The following CALD1 variants were observed in gnomAD, a reference collection of about 807,000 sequenced individuals.
CALD1 encodes the protein caldesmon 1.
CALD1 carries 33 observed loss-of-function variants against 99.9 expected under a neutral mutation model. The observed-to-expected ratio is 0.33, with a 90% CI of 0.25 to 0.44. The LOEUF (loss-of-function observed/expected upper bound fraction) is 0.44, where lower values mean the gene tolerates loss of function less well. Ranked by LOEUF, CALD1 falls within the 20% of genes least tolerant of loss-of-function variation. The probability of loss-of-function intolerance (pLI) is 1.00; values close to 1 mark genes in which losing one functional copy is unlikely to be tolerated. For synonymous variants in CALD1, 310 were observed against 325.0 expected, an observed-to-expected ratio of 0.95 and a Z score of 0.50; for missense variants, 861 against 962.1, an observed-to-expected ratio of 0.89 and a Z score of 1.39.
chr7:134,764,490 G>C (rs1297945494), intron 1 of CALD1, among the ~76,000 whole-genome samples: 1 of 152,150 alleles, frequency 6.6e-6, no homozygotes, highest in East Asian at 1.9e-4. Context: ...GGGCTTAATA[G>C]AGTAACACAT....
chr7:134,726,777 C>A, the CALD1 span, among the ~76,000 whole-genome samples: 11 of 152,064 alleles, frequency 7.2e-5, no homozygotes, highest in Admixed American at 3.3e-4. Flanking sequence ...ACTTCAAAAC[C>A]AGGCTTAGAA....
intron 1 of CALD1, among the ~76,000 whole-genome samples, chr7:134,755,342 T>C (rs945278145): frequency 2.6e-5 from 4 of 152,210 alleles, no homozygotes; most frequent in Non-Finnish European, 5.9e-5. Context: ...TATTTCTTTG[T>C]TTGCATTTAA....
At chr7:134,941,322 C>G (rs1806417654) in intron 7 of CALD1, 85 bp downstream of exon 7, 2 of 1,104,924 alleles carry the variant, frequency 1.8e-6, no homozygotes, top group Non-Finnish European at 2.6e-6. Context: ...CCTGTGCTTC[C>G]AGACAGAAAC....
At chr7:134,903,611 C>T (rs1461599238) in intron 3 of CALD1, among the ~76,000 whole-genome samples, 1 of 152,150 alleles carries the variant, frequency 6.6e-6, no homozygotes, top group Non-Finnish European at 1.5e-5. Context: ...TCACTCCAAT[C>T]TCTGCCTTCA....
chr7:134,811,994 A>G (rs1055351568), intron 1 of CALD1, among the ~76,000 whole-genome samples: 1 of 152,238 alleles, frequency 6.6e-6, no homozygotes, highest in African/African-American at 2.4e-5. Context: ...ACAGAGAGAT[A>G]GCACTGAAAC....
chr7:134,741,724 C>T (rs888781938), upstream of CALD1, among the ~76,000 whole-genome samples: 1 of 152,028 alleles, frequency 6.6e-6, no homozygotes, highest in Non-Finnish European at 1.5e-5. Context: ...TTTTACAGTT[C>T]GTTTTTTATT....
chr7:134,923,967 A>C (rs767151562), intron 3 of CALD1, among the ~76,000 whole-genome samples: 15 of 152,178 alleles, frequency 9.9e-5, no homozygotes, highest in Non-Finnish European at 2.2e-4. Flanking sequence ...AGAAGATATA[A>C]AGTTGAAAAC....
chr7:134,963,253 T>C (rs1388278495), intron 13 of CALD1, among the ~76,000 whole-genome samples: 1 of 152,204 alleles, frequency 6.6e-6, no homozygotes, highest in African/African-American at 2.4e-5. Context: ...CTGGCAAATG[T>C]AGTGGAATTC....
At chr7:134,942,475 T>G (rs1584631521) in intron 7 of CALD1, among the ~76,000 whole-genome samples, 1 of 152,142 alleles carries the variant, frequency 6.6e-6, no homozygotes, top group East Asian at 1.9e-4. Context: ...ACATAAAAGA[T>G]CTAAATAAAA....
chr7:134,869,064 C>G (rs970330527), intron 3 of CALD1, among the ~76,000 whole-genome samples: 12 of 151,960 alleles, frequency 7.9e-5, no homozygotes, highest in Non-Finnish European at 1.5e-4. Context: ...CAAGAAATAG[C>G]ATAGCAGCAT....
At chr7:134,956,240 C>CA (rs879726741) in intron 9 of CALD1, among the ~76,000 whole-genome samples, 1,508 of 139,066 alleles carry the variant, frequency 0.011, 16 homozygotes, top group African/African-American at 0.029. Context: ...AGCATGTTTT[C>CA]AAAAAAAAAA....
At chr7:134,753,057 CT>C (rs1472059781) in intron 1 of CALD1, among the ~76,000 whole-genome samples, 1 of 149,220 alleles carries the variant, frequency 6.7e-6, no homozygotes, top group African/African-American at 2.5e-5. Context: ...ACTTTTCACA[CT>C]TTTCAGTGTT....
At chr7:134,733,773 C>T in the CALD1 span, among the ~76,000 whole-genome samples, 2 of 149,610 alleles carry the variant, frequency 1.3e-5, no homozygotes, top group South Asian at 2.1e-4. Context: ...CGCACCACTG[C>T]ACTCCAGCCT....
chr7:134,895,094 GAAATAAAT>G lies in CALD1; in HGVS notation c.71+27329_71+27336del, dbSNP rs199802906. On this transcript the variant is annotated intron_variant, in intron 3 of 14. Transcript: ENST00000361675. ...GGAACTGAATCCAAAACAGTGCTGG[GAAATAAAT>G]AAATAAATAAATAAATAAATAAATA... Among the ~76,000 whole-genome samples, 933 of 143,022 alleles carry G rather than the reference GAAATAAAT, an allele frequency of 6.5e-3. 3 individuals carry two copies. Among genetic ancestry groups the G allele is most frequent in the African/African-American group, 0.015 (582 of 38,490 alleles). The allele number at this position is 143,022 out of a possible 152,430, so 93.8% of individuals were successfully genotyped here. A position where few individuals can be genotyped will look rare whatever the true frequency, so the allele number is the denominator to read the frequency against.
chr7:134,810,809 G>A (rs917154458), intron 1 of CALD1, among the ~76,000 whole-genome samples: 3 of 152,140 alleles, frequency 2.0e-5, no homozygotes, highest in African/African-American at 7.2e-5. Flanking sequence ...TAGGTGTGTG[G>A]GAGTTAGCCT....
intron 1 of CALD1, among the ~76,000 whole-genome samples, chr7:134,765,418 A>T (rs569752742): frequency 3.3e-5 from 5 of 152,200 alleles, no homozygotes; most frequent in South Asian, 4.1e-4. Flanking sequence ...AGTTTTTTTT[A>T]AAACCCTAGT....
intron 6 of CALD1, 101 bp downstream of exon 6, chr7:134,935,866 C>A: frequency 8.6e-7 from 1 of 1,158,778 alleles, no homozygotes; most frequent in Non-Finnish European, 1.2e-6. Context: ...AACCTCATAT[C>A]CAGTGTATTT....
At chr7:134,848,057 C>G (rs1242538457) in intron 2 of CALD1, among the ~76,000 whole-genome samples, 1 of 151,522 alleles carries the variant, frequency 6.6e-6, no homozygotes, top group Non-Finnish European at 1.5e-5. Flanking sequence ...CGCCGTGCAA[C>G]AGTACTCAAA....
intron 1 of CALD1, among the ~76,000 whole-genome samples, chr7:134,823,785 T>C (rs546769348): frequency 6.6e-5 from 10 of 152,342 alleles, no homozygotes; most frequent in African/African-American, 2.4e-4. Context: ...TACAATTCAA[T>C]CCTTTTGGGG....
Sources: allele counts gnomAD v4.1 joint callset (sites outside exome capture counted in the v4.1 genomes callset), GRCh38; gene constraint gnomAD v4.1.1; transcripts MANE v1.5; gene names NCBI Gene and HGNC (gene_info 2026-07-23, HGNC 2026-07-21).